Variants in CUBN observed in about 807,000 individuals in gnomAD.
The protein encoded by CUBN is 460 kDa receptor.
Under a neutral mutation model 405.3 loss-of-function variants are expected in CUBN, and 282 were observed. The observed-to-expected ratio is 0.70, with a 90% confidence interval of 0.63 to 0.77. CUBN has a LOEUF of 0.77. Among genes scored for constraint, CUBN ranks in the 30% least tolerant of loss-of-function variants. CUBN has a pLI of 0.00. For missense variants in CUBN, 4,514 were observed against 4,475.2 expected (o/e 1.01, Z -0.25); for synonymous variants, 1,684 against 1,617.0 (o/e 1.04, Z -0.99).
chr10:17,048,086 C>T (rs546574645), intron 22 of CUBN, among the ~76,000 whole-genome samples: 3 of 152,358 alleles, frequency 2.0e-5, no homozygotes, highest in African/African-American at 7.2e-5. Context: ...TGAAAACCCT[C>T]TCAAACACTG....
chr10:16,932,843 G>A (rs969975533), intron 40 of CUBN, among the ~76,000 whole-genome samples: 17 of 152,036 alleles, frequency 1.1e-4, no homozygotes, highest in African/African-American at 4.1e-4. Flanking sequence ...TCCTTCTTAA[G>A]CCTCTAAAAA....
intron 47 of CUBN, 75 bp downstream of exon 47, chr10:16,914,957 T>C (rs1841841918): frequency 1.5e-6 from 2 of 1,325,754 alleles, no homozygotes; most frequent in Non-Finnish European, 2.2e-6. Flanking sequence ...TTCAAATATT[T>C]TAACACTGGT....
At chr10:17,027,696 C>T (rs1227091461) in intron 27 of CUBN, among the ~76,000 whole-genome samples, 2 of 152,098 alleles carry the variant, frequency 1.3e-5, no homozygotes, top group Non-Finnish European at 2.9e-5. Context: ...AACACCTGGC[C>T]TACTAAAAAT....
intron 6 of CUBN, among the ~76,000 whole-genome samples, chr10:17,120,302 C>T (rs909852740): frequency 2.0e-5 from 3 of 152,134 alleles, no homozygotes; most frequent in African/African-American, 7.2e-5. Flanking sequence ...CTTTTATTCC[C>T]TCAAAAAGTC....
At chr10:16,934,934 G>A (rs1588664728) in intron 39 of CUBN, among the ~76,000 whole-genome samples, 2 of 152,134 alleles carry the variant, frequency 1.3e-5, no homozygotes, top group East Asian at 3.9e-4. Context: ...GAAATTGTTT[G>A]TTACCGCCAT....
At chr10:16,977,455 G>C (rs1833132364) in intron 31 of CUBN, among the ~76,000 whole-genome samples, 1 of 152,314 alleles carries the variant, frequency 6.6e-6, no homozygotes, top group Non-Finnish European at 1.5e-5. Flanking sequence ...GCCAGGGTCA[G>C]TCAAAGAAGA....
chr10:17,014,264 G>A (rs897870768), intron 28 of CUBN, among the ~76,000 whole-genome samples: 10 of 152,192 alleles, frequency 6.6e-5, no homozygotes, highest in African/African-American at 2.4e-4. Flanking sequence ...AGCTATTCCT[G>A]CTCTCTCTGT....
At position 17,019,701 on chromosome 10, in the gene CUBN, AC is replaced by A. The variant is rs1415012631; in HGVS notation, c.4168+131del. The A allele has an allele frequency of 6.6e-6, 7 of 1,056,562 alleles. No homozygotes were observed. In the Admixed American group the frequency reaches 1.3e-4, roughly 19 times the overall value. 65.4% of individuals were successfully genotyped at this position (1,056,562 alleles called of 1,614,324 possible). On this transcript the variant is annotated intron_variant, in intron 28 of 66. Transcript: ENST00000377833. ...ACCAATATCTAAGTATATTTCTTAA[AC>A]CCTTGCATGAGATTACTACCTGGGT... is the stretch of plus-strand genomic sequence containing the variant.
chr10:17,001,334 C>G (rs1833874634), intron 28 of CUBN, among the ~76,000 whole-genome samples: 1 of 152,170 alleles, frequency 6.6e-6, no homozygotes, highest in East Asian at 1.9e-4. Context: ...GCTTTTATTC[C>G]CTTATTTGGC....
chr10:17,127,211 T>TC (rs1491408800), intron 3 of CUBN, among the ~76,000 whole-genome samples: 2 of 111,250 alleles, frequency 1.8e-5, no homozygotes, highest in South Asian at 2.6e-4. Flanking sequence ...TCTGTCTTTC[T>TC]TTCTCTCTCT....
At chr10:16,992,944 C>T (rs1833636407) in intron 28 of CUBN, among the ~76,000 whole-genome samples, 2 of 152,178 alleles carry the variant, frequency 1.3e-5, no homozygotes, top group Admixed American at 1.3e-4. Flanking sequence ...ATTCCTGAAG[C>T]CAAAATCATC....
In CUBN at chr10:16,990,196, C is replaced by T. The variant is rs567570771; in HGVS notation, c.4350+138G>A. 1.1e-4 allele frequency: 96 copies of T among 871,032 alleles called. No homozygotes were observed. The African/African-American group carries it at 1.5e-3, about 13-fold the overall frequency. 54.0% of individuals were successfully genotyped at this position (871,032 alleles called of 1,614,324 possible). ...TAATCCCATGTCTACCAAATGATCA[C>T]CGAAGGGCTGATGCTCATTAAAATG... On this transcript the variant is annotated intron_variant, in intron 29 of 66. Coordinates refer to ENST00000377833, the MANE Select transcript of CUBN (RefSeq NM_001081.4).
At chr10:16,889,915 G>T (rs188951153) in intron 55 of CUBN, among the ~76,000 whole-genome samples, 3,141 of 118,734 alleles carry the variant, frequency 0.026, 64 homozygotes, top group Non-Finnish European at 0.037. Flanking sequence ...CCAGCCTGGC[G>T]ACAGAGTGAG....
At chr10:16,960,712 T>C (rs773176503) in intron 31 of CUBN, among the ~76,000 whole-genome samples, 1 of 152,176 alleles carries the variant, frequency 6.6e-6, no homozygotes, top group East Asian at 1.9e-4. Flanking sequence ...CTTGCCCTCA[T>C]AGATTCAATG....
Position 17,071,409 on chromosome 10 carries a change from G to T in CUBN, c.2625+17C>A. The T allele has an allele frequency of 6.2e-7, 1 of 1,612,436 alleles. No individual in the cohort carries two copies. The highest frequency in any genetic ancestry group is 2.2e-5 in the East Asian group (1 of 44,826). On this transcript the variant is annotated intron_variant, in intron 19 of 66. Coordinates refer to ENST00000377833, the MANE Select transcript of CUBN (RefSeq NM_001081.4). Reference sequence around the variant, plus strand: ...ATATACAACCAAATACAAATTCAAAGATTTTTTCCCTCTTACCTCAACATA... The same window carrying T: ...ATATACAACCAAATACAAATTCAAATATTTTTTCCCTCTTACCTCAACATA...
intron 53 of CUBN, among the ~76,000 whole-genome samples, 179 bp from the exon 54 acceptor site, chr10:16,899,362 T>C (rs765759398): frequency 3.9e-5 from 6 of 152,236 alleles, no homozygotes; most frequent in East Asian, 1.9e-4. Flanking sequence ...GTGAGTTAAA[T>C]TGAGAGAAAA....
At chr10:17,093,289 C>A (rs1836304339) in intron 14 of CUBN, among the ~76,000 whole-genome samples, 1 of 152,086 alleles carries the variant, frequency 6.6e-6, no homozygotes. Context: ...TAACAGAGAA[C>A]AGTTTCGGAG....
intron 55 of CUBN, among the ~76,000 whole-genome samples, chr10:16,889,942 A>AAAAAAAAAAAAAAAAAAAAAAAAAC (rs1554788548): frequency 7.3e-6 from 1 of 136,222 alleles, no homozygotes; most frequent in African/African-American, 2.9e-5. Flanking sequence ...TGTCAAAAAA[A>AAAAAAAAAAAAAAAAAAAAAAAAAC]AAAAAAAAAA....
At chr10:17,121,455 C>G (rs946658841) in intron 6 of CUBN, among the ~76,000 whole-genome samples, 2 of 145,982 alleles carry the variant, frequency 1.4e-5, no homozygotes, top group South Asian at 4.3e-4. Flanking sequence ...GACAAAAAAC[C>G]AAACACCGCA....
Sources: gnomAD v4.1 joint callset for allele counts (sites outside exome capture counted in the v4.1 genomes callset) on GRCh38, gnomAD v4.1.1 for gene constraint, MANE v1.5 for transcripts, NCBI Gene and HGNC (gene_info 2026-07-23, HGNC 2026-07-21) for gene names.